The following MED13L variants were observed in gnomAD, a reference collection of about 807,000 sequenced individuals.
MED13L encodes mediator complex subunit 13L.
MED13L carries 7 observed loss-of-function variants against 220.9 expected under a neutral mutation model. The ratio of observed to expected loss-of-function variants is 0.03; its 90% CI spans 0.02 to 0.06. The LOEUF is 0.06. MED13L is among the 10% of genes least tolerant of loss of function. MED13L has a pLI of 1.00. For synonymous variants in MED13L, 1,011 were observed against 1,015.2 expected, an observed-to-expected ratio of 1.00 and a Z score of 0.08; for missense variants, 1,965 against 2,760.5, an observed-to-expected ratio of 0.71 and a Z score of 6.46.
chr12:116,110,011 A>AT (rs1873940587), intron 3 of MED13L: 1 of 152,238 alleles, frequency 6.6e-6, no homozygotes, highest in African/African-American at 2.4e-5. Context: ...TTTGGATAAG[A>AT]AACTGGTAAG....
At chr12:116,103,584 G>A (rs1052242916) in intron 3 of MED13L, among the ~76,000 whole-genome samples, 19 of 152,294 alleles carry the variant, frequency 1.2e-4, no homozygotes, top group African/African-American at 4.6e-4. Context: ...GCTGCTCCCA[G>A]ATCAATTTTG....
At chr12:116,007,686 A>G in intron 10 of MED13L, 50 bp from the exon 11 acceptor site, 1 of 1,504,672 alleles carries the variant, frequency 6.6e-7, no homozygotes, top group South Asian at 1.2e-5. Flanking sequence ...GCCTTAAAGC[A>G]TTTACAAAGT....
At chr12:116,215,034 A>G (rs1428945697) in intron 2 of MED13L, among the ~76,000 whole-genome samples, 1 of 152,194 alleles carries the variant, frequency 6.6e-6, no homozygotes, top group East Asian at 1.9e-4. Flanking sequence ...ATTCCAAAGG[A>G]TATCATTATA....
rs868063518 is a variant in MED13L at position 116,196,346 on chromosome 12, T to C, written c.310+41122A>G. ...CTCTGGGTGTTTCCACAGAGCAAAA[T>C]TGAAAACAGGGCCAATAAGTAAGGT... On this transcript the variant is annotated intron_variant, in intron 2 of 30. Transcript: ENST00000281928. Among the ~76,000 whole-genome samples the C allele has an allele frequency of 5.9e-5, 9 of 151,696 alleles. No homozygotes were observed. The South Asian group carries it at 1.0e-3, about 18-fold the overall frequency.
chr12:116,276,752 C>G (rs1274764678), intron 1 of MED13L: 7 of 1,292,514 alleles, frequency 5.4e-6, no homozygotes, highest in Non-Finnish European at 7.0e-6. Flanking sequence ...AAGGGGAGTG[C>G]GATTGCAACA....
chr12:116,091,464 C>T (rs988700138), intron 4 of MED13L, among the ~76,000 whole-genome samples: 3 of 152,060 alleles, frequency 2.0e-5, no homozygotes, highest in Admixed American at 2.0e-4. Flanking sequence ...TTTAACATTC[C>T]CCTATATATG....
intron 2 of MED13L, among the ~76,000 whole-genome samples, chr12:116,197,259 C>T (rs1023062036): frequency 1.3e-5 from 2 of 152,214 alleles, no homozygotes; most frequent in Admixed American, 6.5e-5. Context: ...ACGGTTCAGT[C>T]AGCATCTATC....
chr12:116,269,541 T>C (rs1003924520), intron 1 of MED13L, among the ~76,000 whole-genome samples: 2 of 143,340 alleles, frequency 1.4e-5, no homozygotes, highest in African/African-American at 2.6e-5. Context: ...TTAACAGTAA[T>C]GGAGGCAGGG....
In MED13L at chr12:115,983,477, G is replaced by A; in HGVS notation, c.4595C>T (p.Pro1532Leu). 6.2e-7 allele frequency: 1 copy of A among 1,614,128 alleles called. No homozygotes were observed. The highest frequency in any genetic ancestry group is 8.5e-7 in the Non-Finnish European group (1 of 1,180,010). The change falls in exon 21 of 31, where the codon CCA becomes CTA. Residue 1532 changes from proline (P) to leucine (L), a missense_variant. Pro to Leu is a moderately conservative substitution (Grantham distance 98). This residue lies in a region of MED13L where 510 missense variants were observed against 620.4 expected (regional missense o/e 0.82). Transcript: ENST00000281928. ...AGCTTGTCCCTGTGCTGCTGCTGGTGGGGTCTGGTATTTAGGTGGTATCAA... is the reference window on the plus strand; with the variant it reads ...AGCTTGTCCCTGTGCTGCTGCTGGTAGGGTCTGGTATTTAGGTGGTATCAA... ...SLLIPPKYQT[P>L]PAAAQGQATP...
At chr12:116,216,383 C>T (rs1882996475) in intron 2 of MED13L, among the ~76,000 whole-genome samples, 1 of 152,150 alleles carries the variant, frequency 6.6e-6, no homozygotes, top group Non-Finnish European at 1.5e-5. Flanking sequence ...CACCTCTACT[C>T]TTCCCAATTC....
intron 2 of MED13L, among the ~76,000 whole-genome samples, chr12:116,176,956 C>G (rs76655781): frequency 1.1e-3 from 172 of 150,244 alleles, no homozygotes; most frequent in African/African-American, 3.5e-3. Flanking sequence ...TCCATATACA[C>G]TCCCTCATCC....
intron 16 of MED13L, among the ~76,000 whole-genome samples, chr12:115,993,694 A>G (rs1878218681): frequency 6.6e-6 from 1 of 152,238 alleles, no homozygotes; most frequent in Admixed American, 6.5e-5. Flanking sequence ...TAAAATTATT[A>G]CGCAGTTCAG....
intron 4 of MED13L, among the ~76,000 whole-genome samples, chr12:116,069,901 C>A (rs1473390930): frequency 6.6e-6 from 1 of 152,020 alleles, no homozygotes; most frequent in African/African-American, 2.4e-5. Context: ...CCCAAGATAC[C>A]TCATTATATA....
chr12:116,250,411 G>C (rs1871435098), intron 1 of MED13L, among the ~76,000 whole-genome samples: 2 of 151,486 alleles, frequency 1.3e-5, no homozygotes, highest in Non-Finnish European at 2.9e-5. Flanking sequence ...TAGAAACCTG[G>C]ATCTACACAA....
chr12:116,198,799 G>GAAT (rs1481502045), intron 2 of MED13L, among the ~76,000 whole-genome samples: 1 of 152,100 alleles, frequency 6.6e-6, no homozygotes, highest in Non-Finnish European at 1.5e-5. Flanking sequence ...CCTATTTGAT[G>GAAT]AATAATAATA....
intron 1 of MED13L, among the ~76,000 whole-genome samples, chr12:116,258,184 A>G (rs548762147): frequency 6.6e-6 from 1 of 152,372 alleles, no homozygotes; most frequent in Non-Finnish European, 1.5e-5. Context: ...AACATAAAAT[A>G]CAAATGTACT....
At chr12:116,272,337 C>T (rs952534348) in intron 1 of MED13L, among the ~76,000 whole-genome samples, 1 of 152,008 alleles carries the variant, frequency 6.6e-6, no homozygotes, top group African/African-American at 2.4e-5. Context: ...CCGAGGCAGG[C>T]GGATCACAAG....
At chr12:116,148,971 T>C (rs1877810468) in intron 2 of MED13L, among the ~76,000 whole-genome samples, 1 of 152,220 alleles carries the variant, frequency 6.6e-6, no homozygotes, top group Non-Finnish European at 1.5e-5. Context: ...ATAACTGTAC[T>C]ATTTTTGTCC....
At chr12:116,222,203 C>T (rs778630800) in intron 2 of MED13L, among the ~76,000 whole-genome samples, 13 of 152,196 alleles carry the variant, frequency 8.5e-5, no homozygotes, top group Non-Finnish European at 4.4e-5. Context: ...TTCACATTCA[C>T]TTCATGTTGT....
Sources: gnomAD v4.1 joint callset for allele counts (sites outside exome capture counted in the v4.1 genomes callset) on GRCh38, gnomAD v4.1.1 for gene constraint, gnomAD v4.1.1 regional missense constraint, MANE v1.5 for transcripts, NCBI Gene and HGNC (gene_info 2026-07-23, HGNC 2026-07-21) for gene names.